The following FSIP1 variants were observed in gnomAD, a reference collection of about 807,000 sequenced individuals.
FSIP1 encodes fibrous sheath interacting protein 1.
Under a neutral mutation model 60.9 loss-of-function variants are expected in FSIP1, and 65 were observed. The observed-to-expected ratio is 1.07, with a 90% confidence interval of 0.87 to 1.31. The LOEUF (loss-of-function observed/expected upper bound fraction) is 1.31, where lower values mean the gene tolerates loss of function less well. Ranked by LOEUF, FSIP1 falls within the 40% of genes most tolerant of loss-of-function variation. FSIP1 has a pLI of 0.00. For synonymous variants in FSIP1, 209 were observed against 221.2 expected, an observed-to-expected ratio of 0.94 and a Z score of 0.49; for missense variants, 675 against 665.5, an observed-to-expected ratio of 1.01 and a Z score of -0.16.
At chr15:39,609,119 A>C (rs1890931791) in intron 11 of FSIP1, among the ~76,000 whole-genome samples, 1 of 152,184 alleles carries the variant, frequency 6.6e-6, no homozygotes, top group Non-Finnish European at 1.5e-5. Context: ...GCAGGGCTAG[A>C]CCACCTAGGA....
chr15:39,717,959 G>A (rs1304251749), intron 9 of FSIP1, among the ~76,000 whole-genome samples: 1 of 152,162 alleles, frequency 6.6e-6, no homozygotes, highest in Non-Finnish European at 1.5e-5. Flanking sequence ...AGGGGGCTGG[G>A]GTTGGCTAAC....
intron 10 of FSIP1, among the ~76,000 whole-genome samples, chr15:39,704,902 T>TA (rs1895202097): frequency 6.6e-6 from 1 of 152,220 alleles, no homozygotes; most frequent in African/African-American, 2.4e-5. Context: ...CTTAGAGTGC[T>TA]AAACATTTTG....
intron 10 of FSIP1, among the ~76,000 whole-genome samples, chr15:39,653,209 G>C (rs1201412940): frequency 1.4e-5 from 2 of 147,922 alleles, no homozygotes; most frequent in African/African-American, 4.9e-5. Flanking sequence ...AACGAAAAAT[G>C]GTATGCCTGA....
At chr15:39,630,357 T>C (rs1193086582) in intron 10 of FSIP1, among the ~76,000 whole-genome samples, 1 of 152,210 alleles carries the variant, frequency 6.6e-6, no homozygotes, top group Non-Finnish European at 1.5e-5. Context: ...AGAATCTAAA[T>C]AGCTTGATGC....
intron 2 of FSIP1, among the ~76,000 whole-genome samples, chr15:39,775,080 A>AG (rs1898009625): frequency 6.6e-6 from 1 of 152,224 alleles, no homozygotes; most frequent in Non-Finnish European, 1.5e-5. Flanking sequence ...CAGTGGCACA[A>AG]TCACAACTCA....
At chr15:39,656,879 A>C (rs1458341746) in intron 10 of FSIP1, among the ~76,000 whole-genome samples, 1 of 152,234 alleles carries the variant, frequency 6.6e-6, no homozygotes, top group East Asian at 1.9e-4. Context: ...CCTCCATTTC[A>C]TGCCATCATT....
At chr15:39,611,661 T>A (rs1891038814) in intron 11 of FSIP1, among the ~76,000 whole-genome samples, 1 of 152,148 alleles carries the variant, frequency 6.6e-6, no homozygotes, top group African/African-American at 2.4e-5. Context: ...TCCTTACCTA[T>A]CAGCAATTAC....
intron 10 of FSIP1, among the ~76,000 whole-genome samples, chr15:39,701,038 G>C (rs1009817207): frequency 3.3e-5 from 5 of 152,166 alleles, no homozygotes; most frequent in African/African-American, 1.2e-4. Context: ...TGTAGTCCCA[G>C]CTATTTGGGG....
chr15:39,665,927 T>C (rs975494575), intron 10 of FSIP1, among the ~76,000 whole-genome samples: 5 of 152,154 alleles, frequency 3.3e-5, no homozygotes, highest in African/African-American at 7.2e-5. Flanking sequence ...CCTAATTTCC[T>C]TTTTTTCTTG....
In FSIP1 at chr15:39,741,800, T is replaced by C. The variant is rs756765016; in HGVS notation, c.655+5A>G. Reference sequence around the variant, plus strand: ...ATGTGTATAATCACACAAATTTAAATATACCTTTATTGAGTTTCTGCATCT... The same window carrying C: ...ATGTGTATAATCACACAAATTTAAACATACCTTTATTGAGTTTCTGCATCT... On this transcript the variant is annotated splice_donor_5th_base_variant and intron_variant, in intron 6 of 11. Transcript: ENST00000350221. The C allele has an allele frequency of 2.8e-6, 4 of 1,430,858 alleles. 1 individual carries two copies. In the South Asian group the frequency reaches 4.6e-5, roughly 16 times the overall value. The allele number at this position is 1,430,858 out of a possible 1,614,324, so 88.6% of individuals were successfully genotyped here. A position where few individuals can be genotyped will look rare whatever the true frequency, so the allele number is the denominator to read the frequency against.
At chr15:39,667,469 T>C (rs1251188495) in intron 10 of FSIP1, among the ~76,000 whole-genome samples, 2 of 152,166 alleles carry the variant, frequency 1.3e-5, no homozygotes, top group Admixed American at 6.5e-5. Context: ...AGAAGAGGAT[T>C]GTGTGACCCT....
rs1423513720 is a variant in FSIP1 at position 39,741,897 on chromosome 15, G to C, written c.563C>G (p.Pro188Arg). The change falls in exon 6 of 12, where the codon CCT (proline) becomes CGT (arginine). Residue 188 changes from proline (P) to arginine (R), a missense_variant. Pro to Arg is a moderately radical substitution (Grantham distance 103). Transcript: ENST00000350221. ...LTAVSEETVGPSHEEEDTFSS... is the reference protein window; with the variant it reads ...LTAVSEETVGRSHEEEDTFSS... Reference sequence around the variant, plus strand: ...AAAGGTGTCTTCCTCCTCATGAGAAGGACCTGTTGATTTAAAAAATCACTT... The same window carrying C: ...AAAGGTGTCTTCCTCCTCATGAGAACGACCTGTTGATTTAAAAAATCACTT... 1 of 1,553,708 alleles carries C rather than the reference G, an allele frequency of 6.4e-7. No individual in the cohort carries two copies. Among genetic ancestry groups the C allele is most frequent in the South Asian group, 1.1e-5 (1 of 89,600 alleles).
chr15:39,637,741 A>G (rs1342930525), intron 10 of FSIP1, among the ~76,000 whole-genome samples: 1 of 152,206 alleles, frequency 6.6e-6, no homozygotes, highest in Non-Finnish European at 1.5e-5. Flanking sequence ...GCTAAGATTC[A>G]CAAACTGGGG....
intron 11 of FSIP1, among the ~76,000 whole-genome samples, chr15:39,611,193 G>C (rs964136788): frequency 6.6e-6 from 1 of 152,134 alleles, no homozygotes; most frequent in African/African-American, 2.4e-5. Flanking sequence ...ATTACAAAAA[G>C]ATGTAAAATT....
chr15:39,643,127 A>G (rs1366794862), intron 10 of FSIP1, among the ~76,000 whole-genome samples: 1 of 152,204 alleles, frequency 6.6e-6, no homozygotes, highest in Non-Finnish European at 1.5e-5. Context: ...TAATAACATC[A>G]TTTTTAGGCA....
At chr15:39,751,801 T>C (rs1897172379) in intron 5 of FSIP1, among the ~76,000 whole-genome samples, 1 of 151,940 alleles carries the variant, frequency 6.6e-6, no homozygotes, top group Non-Finnish European at 1.5e-5. Context: ...CTAAATGAGA[T>C]TATAGCTGCT....
intron 10 of FSIP1, among the ~76,000 whole-genome samples, chr15:39,687,431 G>A (rs555214173): frequency 1.4e-3 from 209 of 152,280 alleles, no homozygotes; most frequent in African/African-American, 4.7e-3. Flanking sequence ...TGGGATTACA[G>A]GCGTGAGCCA....
intron 10 of FSIP1, among the ~76,000 whole-genome samples, chr15:39,678,550 G>A (rs1292942530): frequency 6.6e-6 from 1 of 151,840 alleles, no homozygotes; most frequent in Non-Finnish European, 1.5e-5. Flanking sequence ...AATGTAATCG[G>A]GAAACATACC....
At chr15:39,713,860 T>A (rs1327713533) in intron 9 of FSIP1, among the ~76,000 whole-genome samples, 1 of 152,252 alleles carries the variant, frequency 6.6e-6, no homozygotes, top group Non-Finnish European at 1.5e-5. Flanking sequence ...GAACCTGGGT[T>A]CTGGTCCCTG....
Sources: allele counts gnomAD v4.1 joint callset (sites outside exome capture counted in the v4.1 genomes callset), GRCh38; gene constraint gnomAD v4.1.1; transcripts MANE v1.5; gene names NCBI Gene and HGNC (gene_info 2026-07-23, HGNC 2026-07-21).